The following PLXDC2 variants were observed in gnomAD, a reference collection of about 807,000 sequenced individuals.
PLXDC2 encodes the protein plexin domain-containing protein 2.
Under a neutral mutation model 68.9 loss-of-function variants are expected in PLXDC2, and 40 were observed. That is an observed-to-expected ratio of 0.58 (90% CI 0.45 to 0.76). The LOEUF (loss-of-function observed/expected upper bound fraction) is 0.76. Among genes scored for constraint, PLXDC2 ranks in the 30% least tolerant of loss-of-function variants. PLXDC2 has a pLI of 0.00. For synonymous variants in PLXDC2, 243 were observed against 234.2 expected (o/e 1.04, Z -0.34); for missense variants, 644 against 661.9 (o/e 0.97, Z 0.30).
chr10:20,028,473 G>C (rs1383247483), intron 2 of PLXDC2, among the ~76,000 whole-genome samples: 3 of 152,138 alleles, frequency 2.0e-5, no homozygotes, highest in Non-Finnish European at 2.9e-5. Flanking sequence ...TTTGTGAGTT[G>C]CGAATGTACT....
intron 1 of PLXDC2, among the ~76,000 whole-genome samples, chr10:19,829,632 G>A (rs762126725): frequency 6.6e-6 from 1 of 152,026 alleles, no homozygotes; most frequent in Non-Finnish European, 1.5e-5. Flanking sequence ...GGAGGCTGTG[G>A]CATGAGAATC....
At chr10:20,021,233 A>G (rs912579781) in intron 2 of PLXDC2, among the ~76,000 whole-genome samples, 4 of 152,030 alleles carry the variant, frequency 2.6e-5, no homozygotes, top group Non-Finnish European at 5.9e-5. Flanking sequence ...GTTTTAGCAC[A>G]TAGTTACTTC....
intron 13 of PLXDC2, among the ~76,000 whole-genome samples, chr10:20,258,027 A>G (rs1360012906): frequency 1.9e-5 from 2 of 103,222 alleles, no homozygotes; most frequent in African/African-American, 3.8e-5. Flanking sequence ...TTTGAGACAG[A>G]GTTTTGCACA....
At chr10:20,074,501 A>G (rs941116281) in intron 4 of PLXDC2, among the ~76,000 whole-genome samples, 1 of 152,110 alleles carries the variant, frequency 6.6e-6, no homozygotes, top group East Asian at 1.9e-4. Flanking sequence ...TATCTGGCCA[A>G]TAATCATTAG....
chr10:19,843,117 G>A (rs1170669971), intron 1 of PLXDC2, among the ~76,000 whole-genome samples: 2 of 147,612 alleles, frequency 1.4e-5, no homozygotes, highest in Admixed American at 1.3e-4. Context: ...ATCTGCCACT[G>A]TATCTACAGC....
rs2119399201 is a variant in PLXDC2 at position 20,280,148 on chromosome 10, A to AG, written c.*330dup. 1 of 209,914 alleles carries AG rather than the reference A, an allele frequency of 4.8e-6. No homozygotes were observed. The highest frequency in any genetic ancestry group is 1.6e-4 in the South Asian group (1 of 6,108). 13.0% of individuals were successfully genotyped at this position (209,914 alleles called of 1,614,324 possible). ...TTAGGTGCAGGGTTGCAAAGGGATC[A>AG]GAAAAAAAAAATCATAATAAAGCTT... On this transcript the variant is annotated 3_prime_UTR_variant, in exon 14 of 14. Transcript: ENST00000377252.
At chr10:20,241,287 G>A (rs1414739889) in intron 12 of PLXDC2, among the ~76,000 whole-genome samples, 1 of 152,152 alleles carries the variant, frequency 6.6e-6, no homozygotes, top group Admixed American at 6.5e-5. Flanking sequence ...CCAAACATTG[G>A]CAACTTATGC....
intron 1 of PLXDC2, among the ~76,000 whole-genome samples, chr10:19,996,751 A>G (rs985409831): frequency 1.2e-4 from 19 of 152,290 alleles, no homozygotes; most frequent in African/African-American, 3.9e-4. Context: ...TTACAGTTCC[A>G]TGTGGCTGGG....
intron 2 of PLXDC2, among the ~76,000 whole-genome samples, chr10:20,040,383 C>G (rs1336700417): frequency 6.6e-6 from 1 of 152,144 alleles, no homozygotes; most frequent in Non-Finnish European, 1.5e-5. Context: ...AAACTCCACC[C>G]TTGGATCATG....
chr10:19,913,818 T>C (rs1833317665), intron 1 of PLXDC2, among the ~76,000 whole-genome samples: 1 of 152,168 alleles, frequency 6.6e-6, no homozygotes, highest in African/African-American at 2.4e-5. Flanking sequence ...TTTTGTAATA[T>C]TACATTTTGA....
intron 2 of PLXDC2, among the ~76,000 whole-genome samples, chr10:20,006,652 G>C (rs909092287): frequency 6.6e-6 from 1 of 152,192 alleles, no homozygotes; most frequent in Admixed American, 6.5e-5. Context: ...CACAAAGGCT[G>C]TTATTCTCTT....
chr10:20,256,440 CT>C (rs944831952), intron 13 of PLXDC2, among the ~76,000 whole-genome samples: 3 of 93,056 alleles, frequency 3.2e-5, no homozygotes, highest in African/African-American at 3.2e-5. Flanking sequence ...GCCCCCCAAA[CT>C]TTTTTTTAAC....
intron 13 of PLXDC2, among the ~76,000 whole-genome samples, chr10:20,267,477 A>G (rs1835885940): frequency 1.3e-5 from 2 of 152,138 alleles, no homozygotes; most frequent in South Asian, 2.1e-4. Flanking sequence ...TTTACTAACT[A>G]TGTGATTCTG....
chr10:19,860,313 C>G (rs746919374), intron 1 of PLXDC2, among the ~76,000 whole-genome samples: 1 of 152,200 alleles, frequency 6.6e-6, no homozygotes, highest in African/African-American at 2.4e-5. Flanking sequence ...CAAACAAAGT[C>G]TGCTCCCCAG....
intron 9 of PLXDC2, among the ~76,000 whole-genome samples, chr10:20,195,192 C>T (rs548702403): frequency 1.3e-5 from 2 of 152,082 alleles, no homozygotes; most frequent in East Asian, 3.9e-4. Flanking sequence ...GCCTGTGGTC[C>T]GGGCCTCACA....
At chr10:20,248,007 C>T (rs564674854) in intron 13 of PLXDC2, among the ~76,000 whole-genome samples, 2 of 152,192 alleles carry the variant, frequency 1.3e-5, no homozygotes, top group South Asian at 4.1e-4. Context: ...ATGCATTCTT[C>T]AAAGAGCTGC....
At chr10:19,838,025 G>C (rs447706) in intron 1 of PLXDC2, among the ~76,000 whole-genome samples, 8 of 151,928 alleles carry the variant, frequency 5.3e-5, no homozygotes, top group Non-Finnish European at 1.2e-4. Context: ...TTGAGACAGG[G>C]TCTCATTCTA....
intron 4 of PLXDC2, among the ~76,000 whole-genome samples, chr10:20,088,569 A>C (rs958917854): frequency 1.3e-5 from 2 of 152,200 alleles, no homozygotes; most frequent in African/African-American, 4.8e-5. Context: ...AGGTAGAGAT[A>C]GATTGTAAAC....
chr10:19,899,915 G>A lies in PLXDC2; in HGVS notation c.112+82724G>A, dbSNP rs563057185. 2.0e-5 allele frequency among the ~76,000 whole-genome samples: 3 copies of A among 152,132 alleles called. No individual in the cohort carries two copies. In the East Asian group the frequency reaches 5.8e-4, roughly 29 times the overall value. On this transcript the variant is annotated intron_variant, in intron 1 of 13. Coordinates refer to ENST00000377252, the MANE Select transcript of PLXDC2 (RefSeq NM_032812.9). ...GATATTTCTTGGGTCAAGAGCATCTGGTTATTTAACTTTTTGCCACATTTT... is the reference window on the plus strand; with the variant it reads ...GATATTTCTTGGGTCAAGAGCATCTAGTTATTTAACTTTTTGCCACATTTT...
Sources: gnomAD v4.1 joint callset for allele counts (sites outside exome capture counted in the v4.1 genomes callset) on GRCh38, gnomAD v4.1.1 for gene constraint, MANE v1.5 for transcripts, NCBI Gene and HGNC (gene_info 2026-07-23, HGNC 2026-07-21) for gene names.